Variants in USP9Y observed in about 807,000 individuals in gnomAD.
The protein encoded by USP9Y is ubiquitin specific peptidase 9 Y-linked.
USP9Y carries 41 observed loss-of-function variants against 53.1 expected under a neutral mutation model. The ratio of observed to expected loss-of-function variants is 0.77; its 90% CI spans 0.60 to 1.00. The LOEUF is 1.00. Ranked by LOEUF, USP9Y falls within the 50% of genes least tolerant of loss-of-function variation. The pLI is 0.00. For missense variants in USP9Y, 567 were observed against 535.8 expected (o/e 1.06, Z -0.58); for synonymous variants, 220 against 173.7 (o/e 1.27, Z -2.09).
At chrY:12,722,767 G>T in intron 5 of USP9Y, among the ~76,000 whole-genome samples, 2 of 33,566 alleles carry the variant, frequency 6.0e-5, no homozygotes, top group South Asian at 1.3e-3. Context: ...TATATATTTG[G>T]TGACCTTTTT....
chrY:12,767,546 G>A (rs1007655210), intron 15 of USP9Y, among the ~76,000 whole-genome samples: 135 of 32,891 alleles, frequency 4.1e-3, no homozygotes, highest in Non-Finnish European at 9.6e-3. Flanking sequence ...TTTCACAAAA[G>A]TGCAAAGTTT....
intron 11 of USP9Y, among the ~76,000 whole-genome samples, chrY:12,738,774 T>C: frequency 3.0e-5 from 1 of 33,270 alleles, no homozygotes; most frequent in African/African-American, 1.2e-4. Flanking sequence ...TCTCCTGACC[T>C]CGTGATCCAT....
chrY:12,752,278 C>CAGTGCTGGGTAGTTTT (rs2053464834), intron 12 of USP9Y, among the ~76,000 whole-genome samples: 64 of 32,944 alleles, frequency 1.9e-3, no homozygotes, highest in African/African-American at 7.2e-3. Flanking sequence ...ATTATTTATT[C>CAGTGCTGGGTAGTTTT]ACACATACAA....
chrY:12,706,613 A>T, intron 1 of USP9Y, among the ~76,000 whole-genome samples: 1 of 33,468 alleles, frequency 3.0e-5, no homozygotes, highest in Non-Finnish European at 7.4e-5. Context: ...TGCAGGAAAA[A>T]CTTATTAAGT....
chrY:12,846,846 A>T (rs2053566823), intron 40 of USP9Y, 87 bp from the exon 41 acceptor site: 6 of 244,692 alleles, frequency 2.5e-5, no homozygotes, highest in Non-Finnish European at 3.9e-5. Flanking sequence ...ATTTAAAATC[A>T]GATTGTATTT....
intron 1 of USP9Y, among the ~76,000 whole-genome samples, chrY:12,703,584 G>T: frequency 3.0e-5 from 1 of 33,822 alleles, no homozygotes; most frequent in African/African-American, 1.2e-4. Flanking sequence ...CTCATGGTGA[G>T]TGTTACAGCT....
intron 3 of USP9Y, among the ~76,000 whole-genome samples, chrY:12,718,088 T>C: frequency 5.9e-5 from 2 of 33,986 alleles, no homozygotes; most frequent in Non-Finnish European, 7.3e-5. Flanking sequence ...AAAGTTATGC[T>C]GAAGCTCATC....
intron 12 of USP9Y, among the ~76,000 whole-genome samples, chrY:12,752,382 C>T (rs2053464907): frequency 3.0e-5 from 1 of 33,234 alleles, no homozygotes; most frequent in Non-Finnish European, 7.4e-5. Flanking sequence ...TGTGTTTATA[C>T]ATTTATTACT....
Position 12,859,292 on chromosome Y carries a change from A to G in USP9Y, c.7544A>G (p.His2515Arg). ...TCACCCTCTTAGAATAATCATGTAC[A>G]TGGACAGCCATATACAGGACCAGCA... is the stretch of plus-strand genomic sequence containing the variant. The part of the protein sequence containing the change: ...ASQYQQNNHV[H>R]GQPYTGPAAH... The change falls in exon 46 of 46, where the codon CAT becomes CGT. Residue 2515 changes from histidine (H) to arginine (R), a missense_variant. Transcript: ENST00000338981. The G allele has an allele frequency of 2.5e-6, 1 of 398,140 alleles. No individual in the cohort carries two copies. The highest frequency in any genetic ancestry group is 3.5e-6 in the Non-Finnish European group (1 of 283,194).
At chrY:12,730,060 T>C in intron 7 of USP9Y, among the ~76,000 whole-genome samples, 1 of 32,014 alleles carries the variant, frequency 3.1e-5, no homozygotes, top group Admixed American at 2.9e-4. Context: ...GCTCAAGCTG[T>C]TCTCCTGCTG....
chrY:12,738,195 G>T lies in USP9Y; in HGVS notation c.1203G>T (p.Leu401Phe), dbSNP rs1404355079. Residue 401 changes from leucine to phenylalanine, a missense_variant, in exon 11 of 46, where the codon TTG becomes TTT. Transcript: ENST00000338981. Reference protein sequence around the residue: ...IQQNNILSIVLQDSLHQPQYV... With the variant: ...IQQNNILSIVFQDSLHQPQYV... ...AAAATAATATCTTATCCATAGTCTT[G>T]CAAGACAGTCTTCATCAACCACAAT... 1.0e-5 allele frequency: 4 copies of T among 393,252 alleles called. No homozygotes were observed. In the Admixed American group the frequency reaches 2.3e-4, roughly 23 times the overall value.
At chrY:12,847,993 AG>A (rs755643939) in intron 42 of USP9Y, among the ~76,000 whole-genome samples, 295 of 33,481 alleles carry the variant, frequency 8.8e-3, no homozygotes, top group Middle Eastern at 0.041. Context: ...GTATATACGC[AG>A]TAATGGGATC....
intron 42 of USP9Y, among the ~76,000 whole-genome samples, chrY:12,854,866 G>A: frequency 2.9e-5 from 1 of 33,938 alleles, no homozygotes. Flanking sequence ...AGCTTGAAGT[G>A]TTTTGTATAA....
At chrY:12,754,085 CT>C (rs2053466240) in intron 12 of USP9Y, among the ~76,000 whole-genome samples, 1 of 30,274 alleles carries the variant, frequency 3.3e-5, no homozygotes, top group African/African-American at 1.3e-4. Context: ...CCAAATTTTG[CT>C]TTTTTTGACA....
At chrY:12,857,058 C>A in intron 44 of USP9Y, 1 of 124,600 alleles carries the variant, frequency 8.0e-6, no homozygotes, top group African/African-American at 9.5e-5. Context: ...CTAAAAATCA[C>A]ATACCTGAGA....
At chrY:12,772,486 C>G in intron 16 of USP9Y, among the ~76,000 whole-genome samples, 2 of 31,719 alleles carry the variant, frequency 6.3e-5, no homozygotes, top group Non-Finnish European at 1.5e-4. Flanking sequence ...AGATCCAGGC[C>G]AGGCGTGGTG....
chrY:12,756,086 G>A, intron 12 of USP9Y, among the ~76,000 whole-genome samples: 1 of 33,066 alleles, frequency 3.0e-5, no homozygotes, highest in African/African-American at 1.2e-4. Context: ...AGCAGAATCA[G>A]GCAGGTGCTG....
chrY:12,774,452 C>T (rs1603199264), intron 17 of USP9Y, among the ~76,000 whole-genome samples: 3 of 19,704 alleles, frequency 1.5e-4, no homozygotes, highest in Admixed American at 5.8e-4. Context: ...GAGGACAGAG[C>T]GAGACTCCGT....
In USP9Y at chrY:12,778,234, G is replaced by A. The variant is rs749893830; in HGVS notation, c.2855G>A (p.Gly952Glu). 3 of 386,002 alleles carry A rather than the reference G, an allele frequency of 7.8e-6. No homozygotes were observed. The highest frequency in any genetic ancestry group is 1.5e-4 in the Admixed American group (2 of 12,955). Residue 952 changes from glycine (G) to glutamate (E), a missense_variant, in exon 20 of 46, where the codon GGA becomes GAA. By Grantham distance (98) the Gly-to-Glu change is moderately conservative. Coordinates refer to ENST00000338981, the MANE Select transcript of USP9Y (RefSeq NM_004654.4). ...TCTGAAGATGACAGAAAGCTAATTGGACAATTAAACTTAAAAGATAAATCT... is the reference window on the plus strand; with the variant it reads ...TCTGAAGATGACAGAAAGCTAATTGAACAATTAAACTTAAAAGATAAATCT... The part of the protein sequence containing the change: ...IDSEDDRKLI[G>E]QLNLKDKSLI...
Sources: gnomAD v4.1 joint callset for allele counts (sites outside exome capture counted in the v4.1 genomes callset) on GRCh38, gnomAD v4.1.1 for gene constraint, MANE v1.5 for transcripts, NCBI Gene and HGNC (gene_info 2026-07-23, HGNC 2026-07-21) for gene names.